SCN9A: variants seen among roughly 807,000 people sequenced by gnomAD.
The protein encoded by SCN9A is sodium channel protein type 9 subunit alpha.
SCN9A carries 131 observed loss-of-function variants against 187.0 expected under a neutral mutation model. That is an observed-to-expected ratio of 0.70 (90% CI 0.61 to 0.81). The LOEUF (loss-of-function observed/expected upper bound fraction) is 0.81. SCN9A is among the 30% of genes least tolerant of loss of function. The probability of loss-of-function intolerance (pLI) is 0.00; values close to 1 mark genes in which losing one functional copy is unlikely to be tolerated. For synonymous variants in SCN9A, 809 were observed against 808.6 expected (o/e 1.00, Z -0.01); for missense variants, 2,252 against 2,396.6 (o/e 0.94, Z 1.26).
intron 24 of SCN9A, 60 bp downstream of exon 24, chr2:166,226,507 T>A: frequency 8.3e-7 from 1 of 1,203,720 alleles, no homozygotes; most frequent in South Asian, 1.7e-5. Flanking sequence ...TTACATTATC[T>A]TTTTTGGAAA....
intron 1 of SCN9A, among the ~76,000 whole-genome samples, chr2:166,335,498 A>C (rs1207312207): frequency 1.3e-5 from 2 of 152,128 alleles, no homozygotes; most frequent in African/African-American, 2.4e-5. Flanking sequence ...TGGACACTGG[A>C]GTAAGACTGC....
At chr2:166,224,434 G>C (rs1012633765) in intron 24 of SCN9A, among the ~76,000 whole-genome samples, 2 of 152,078 alleles carry the variant, frequency 1.3e-5, no homozygotes, top group Non-Finnish European at 2.9e-5. Context: ...TTTGGTACAT[G>C]TACATCTGTC....
At chr2:166,320,987 C>T (rs1338502093) in intron 1 of SCN9A, among the ~76,000 whole-genome samples, 1 of 152,086 alleles carries the variant, frequency 6.6e-6, no homozygotes, top group East Asian at 1.9e-4. Flanking sequence ...AGAGCATAAG[C>T]ATGTCTACTT....
At chr2:166,228,652 C>A in intron 22 of SCN9A, 39 bp downstream of exon 22, 2 of 1,487,936 alleles carry the variant, frequency 1.3e-6, no homozygotes, top group Non-Finnish European at 9.2e-7. Flanking sequence ...CGTCCAATAT[C>A]TATTAAAATA....
chr2:166,222,945 CA>C (rs1309168684), intron 24 of SCN9A, among the ~76,000 whole-genome samples: 11,419 of 44,286 alleles, frequency 0.26, 1,905 homozygotes, highest in African/African-American at 0.36. Context: ...AAAAAAACAA[CA>C]AAAAAAAAAA....
chr2:166,247,644 G>A (rs1003329429), intron 18 of SCN9A, among the ~76,000 whole-genome samples: 2 of 152,054 alleles, frequency 1.3e-5, no homozygotes, highest in Non-Finnish European at 2.9e-5. Context: ...AGCCTCTTGA[G>A]TAGCTGGGAC....
intron 24 of SCN9A, among the ~76,000 whole-genome samples, chr2:166,211,470 A>T (rs978244905): frequency 6.6e-6 from 1 of 152,256 alleles, no homozygotes; most frequent in East Asian, 1.9e-4. Context: ...CTCACTAGTA[A>T]AGGTAAATAC....
At chr2:166,324,665 G>A (rs1259885525) in intron 1 of SCN9A, among the ~76,000 whole-genome samples, 1 of 152,148 alleles carries the variant, frequency 6.6e-6, no homozygotes, top group African/African-American at 2.4e-5. Flanking sequence ...TATGTGATGA[G>A]AATGGCCTTT....
At chr2:166,335,294 T>C (rs976789858) in intron 1 of SCN9A, among the ~76,000 whole-genome samples, 4 of 152,124 alleles carry the variant, frequency 2.6e-5, no homozygotes, top group Non-Finnish European at 2.9e-5. Context: ...AATGAAAGGA[T>C]TGCAAACTTG....
intron 1 of SCN9A, among the ~76,000 whole-genome samples, chr2:166,330,366 T>C (rs1286120253): frequency 6.6e-6 from 1 of 152,198 alleles, no homozygotes; most frequent in Non-Finnish European, 1.5e-5. Context: ...CTTTCTGTTT[T>C]CTTGAAAATT....
chr2:166,280,911 G>A (rs1345122895), intron 13 of SCN9A, among the ~76,000 whole-genome samples: 2 of 152,108 alleles, frequency 1.3e-5, no homozygotes, highest in Admixed American at 6.6e-5. Context: ...ACAGAGAAAT[G>A]TATGTTTTCC....
intron 12 of SCN9A, among the ~76,000 whole-genome samples, chr2:166,283,022 T>C (rs1190019214): frequency 1.3e-5 from 2 of 152,180 alleles, no homozygotes; most frequent in African/African-American, 4.8e-5. Flanking sequence ...TTCCATTGTA[T>C]CTTATAAGTA....
At chr2:166,286,688 G>A in intron 10 of SCN9A, 65 bp from the exon 11 acceptor site, 1 of 1,287,390 alleles carries the variant, frequency 7.8e-7, no homozygotes, top group Non-Finnish European at 1.0e-6. Context: ...CCCTAGGACA[G>A]GACATCTTTC....
At chr2:166,250,595 GC>G (rs976089839) in intron 18 of SCN9A, among the ~76,000 whole-genome samples, 8 of 152,030 alleles carry the variant, frequency 5.3e-5, no homozygotes, top group African/African-American at 1.9e-4. Flanking sequence ...CCTACTCTGG[GC>G]TTGTATTTTT....
chr2:166,273,233 A>C (rs1697082079), intron 16 of SCN9A, among the ~76,000 whole-genome samples: 1 of 151,786 alleles, frequency 6.6e-6, no homozygotes. Context: ...AACCCAAAAA[A>C]CTCTCCTAGC....
intron 24 of SCN9A, among the ~76,000 whole-genome samples, chr2:166,214,979 C>T (rs1694268944): frequency 6.6e-6 from 1 of 152,098 alleles, no homozygotes; most frequent in South Asian, 2.1e-4. Context: ...AACAGTTCAT[C>T]CAACAGCAAC....
rs1574959956 is a variant in SCN9A, at chr2:166,356,034, A to G, written c.-51+19663T>C. ...GATCTGCCCGCCTTGGCCTCCCAAAATGCTGGGATTACAGGCGTGAGCCAC... is the reference window on the plus strand; with the variant it reads ...GATCTGCCCGCCTTGGCCTCCCAAAGTGCTGGGATTACAGGCGTGAGCCAC... On this transcript the variant is annotated intron_variant, in intron 1 of 26. Coordinates refer to ENST00000642356, the MANE Select transcript of SCN9A (RefSeq NM_001365536.1). 2.6e-5 allele frequency among the ~76,000 whole-genome samples: 4 copies of G among 152,114 alleles called. 1 individual carries two copies. The highest frequency in any genetic ancestry group is 2.1e-4 in the South Asian group (1 of 4,824).
intron 1 of SCN9A, among the ~76,000 whole-genome samples, chr2:166,351,566 C>G (rs1164171667): frequency 6.6e-6 from 1 of 152,160 alleles, no homozygotes; most frequent in Non-Finnish European, 1.5e-5. Context: ...GCTGAGCACT[C>G]TGATTACATT....
At position 166,264,354 on chromosome 2, in the gene SCN9A, G is replaced by A. The variant is rs142023496; in HGVS notation, c.3351+8045C>T. Among the ~76,000 whole-genome samples the A allele has an allele frequency of 4.8e-3, 731 of 152,056 alleles. 3 individuals are homozygous for A. The highest frequency in any genetic ancestry group is 0.017 in the African/African-American group (703 of 41,524). On this transcript the variant is annotated intron_variant, in intron 17 of 26. Coordinates refer to ENST00000642356, the MANE Select transcript of SCN9A (RefSeq NM_001365536.1). ...GGGCTTCATTGCACTTCAGGAGAAG[G>A]CTGACTCTGAGAAGAGCCATCAGTT...
Sources: allele counts gnomAD v4.1 joint callset (sites outside exome capture counted in the v4.1 genomes callset), GRCh38; gene constraint gnomAD v4.1.1; transcripts MANE v1.5; gene names NCBI Gene and HGNC (gene_info 2026-07-23, HGNC 2026-07-21).